The following KIF1A variants were observed in gnomAD, a reference collection of about 807,000 sequenced individuals.
The protein encoded by KIF1A is kinesin family member 1A.
Under a neutral mutation model 227.3 loss-of-function variants are expected in KIF1A, and 46 were observed. The observed-to-expected ratio is 0.20, with a 90% CI of 0.16 to 0.26. The LOEUF is 0.26. Ranked by LOEUF, KIF1A falls within the 10% of genes least tolerant of loss-of-function variation. KIF1A has a pLI of 1.00. For synonymous variants in KIF1A, 1,022 were observed against 1,012.8 expected (o/e 1.01, Z -0.17); for missense variants, 1,683 against 2,485.9 (o/e 0.68, Z 6.87).
chr2:240,774,414 A>T (rs1251075261), intron 11 of KIF1A, among the ~76,000 whole-genome samples, 153 bp from the exon 12 acceptor site: 3 of 30,454 alleles, frequency 9.9e-5, no homozygotes, highest in Non-Finnish European at 1.8e-4. Flanking sequence ...CCCCCACCCC[A>T]TGAACACAGA....
intron 16 of KIF1A, 146 bp from the exon 17 acceptor site, chr2:240,769,354 G>A (rs2051626632): frequency 1.4e-6 from 1 of 702,692 alleles, no homozygotes; most frequent in Non-Finnish European, 2.4e-6. Flanking sequence ...ACTGGGTTAG[G>A]GCATCTGCTG....
intron 42 of KIF1A, among the ~76,000 whole-genome samples, chr2:240,722,908 A>G (rs1204550143): frequency 6.6e-6 from 1 of 152,074 alleles, no homozygotes; most frequent in African/African-American, 2.4e-5. Flanking sequence ...CTCCTCTCAG[A>G]CACATCCATC....
In KIF1A at chr2:240,736,535, C is replaced by G. The variant is rs542816030; in HGVS notation, c.4007+528G>C. Among the ~76,000 whole-genome samples the G allele has an allele frequency of 6.6e-6, 1 of 152,350 alleles. No homozygotes were observed. The highest frequency in any genetic ancestry group is 2.1e-4 in the South Asian group (1 of 4,828). ...ACAGACATCCCAGAGCGCCAAAACC[C>G]CAGCCTAAATGCGGTCGGGCTGGGA... is the stretch of plus-strand genomic sequence containing the variant. On this transcript the variant is annotated intron_variant, in intron 38 of 48. Transcript: ENST00000498729. The surrounding 1 kb of genome is among the most constrained non-coding windows in gnomAD (Gnocchi z 4.7).
At chr2:240,743,580 AG>A (rs1362433834) in intron 33 of KIF1A, among the ~76,000 whole-genome samples, 2 of 152,048 alleles carry the variant, frequency 1.3e-5, no homozygotes, top group Non-Finnish European at 2.9e-5. Context: ...GGGCTTCCCC[AG>A]GGTGTGGCAC....
At chr2:240,785,155 A>G in intron 6 of KIF1A, 55 bp from the exon 7 acceptor site, 1 of 1,434,560 alleles carries the variant, frequency 7.0e-7, no homozygotes, top group Non-Finnish European at 9.7e-7. Context: ...CGGGTGCGAG[A>G]TCGCCGGTGG....
chr2:240,745,512 A>G lies in KIF1A; in HGVS notation c.3380T>C (p.Ile1127Thr), dbSNP rs1559495436. ...YADIFCQFNF[I>T]HRHDEAFSTE... Reference sequence around the variant, plus strand: ...GGAGAAGGCCTCGTCGTGGCGGTGGATGAAGCTGCAAAGCAGAGGAGATGC... The same window carrying G: ...GGAGAAGGCCTCGTCGTGGCGGTGGGTGAAGCTGCAAAGCAGAGGAGATGC... The change falls in exon 32 of 49, where the codon ATC becomes ACC. Residue 1127 changes from isoleucine to threonine, a missense_variant. Physicochemically the swap from Ile to Thr is moderately conservative, Grantham distance 89. Coordinates refer to ENST00000498729, the MANE Select transcript of KIF1A (RefSeq NM_001244008.2). 6.2e-7 allele frequency: 1 copy of G among 1,610,698 alleles called. No individual in the cohort carries two copies. Among genetic ancestry groups the G allele is most frequent in the Non-Finnish European group, 8.5e-7 (1 of 1,177,862 alleles).
At chr2:240,761,147 G>A (rs1459300040) in intron 24 of KIF1A, 82 bp downstream of exon 24, 19 of 1,472,584 alleles carry the variant, frequency 1.3e-5, no homozygotes, top group Non-Finnish European at 1.7e-5. Flanking sequence ...GCCAAGTGCT[G>A]AGTCCCAAGT....
chr2:240,732,908 AAG>A (rs1354519542), intron 38 of KIF1A, among the ~76,000 whole-genome samples: 2 of 46,492 alleles, frequency 4.3e-5, no homozygotes, highest in East Asian at 1.2e-3. Flanking sequence ...AGGGATGGGG[AAG>A]AGAGGGGATG....
At chr2:240,731,457 C>T (rs535462823) in intron 38 of KIF1A, among the ~76,000 whole-genome samples, 115 of 152,218 alleles carry the variant, frequency 7.6e-4, no homozygotes, top group Non-Finnish European at 1.1e-3. Context: ...GCTGGTGCCC[C>T]GACCGCATGC....
intron 38 of KIF1A, among the ~76,000 whole-genome samples, chr2:240,730,721 G>A (rs779198558): frequency 3.9e-5 from 6 of 152,216 alleles, no homozygotes; most frequent in East Asian, 3.9e-4. Flanking sequence ...TCAGGGATAC[G>A]GTTCACAGGA....
rs1053174155 is a variant in KIF1A at position 240,782,166 on chromosome 2, C to G, written c.882+424G>C. 4 of 985,274 alleles carry G rather than the reference C, an allele frequency of 4.1e-6. No individual in the cohort carries two copies. In the African/African-American group the frequency reaches 7.0e-5, roughly 17 times the overall value. The allele number at this position is 985,274 out of a possible 1,614,324, so 61.0% of individuals were successfully genotyped here. On this transcript the variant is annotated intron_variant, in intron 10 of 48. Transcript: ENST00000498729. Reference sequence around the variant, plus strand: ...GCTCCGCGGCACCTCCGACTCCACACGCGCCCGCCTCCCCCTGTGGCCCCG... The same window carrying G: ...GCTCCGCGGCACCTCCGACTCCACAGGCGCCCGCCTCCCCCTGTGGCCCCG...
In KIF1A at chr2:240,717,426, G is replaced by C; in HGVS notation, c.5334-20C>G. ...TTGGACCTGCAGAAGAGTTGGGAGAGGCGGCGTGGTCAGGCCAGGAACACC... is the reference window on the plus strand; with the variant it reads ...TTGGACCTGCAGAAGAGTTGGGAGACGCGGCGTGGTCAGGCCAGGAACACC... On this transcript the variant is annotated intron_variant, in intron 48 of 48. Transcript: ENST00000498729. 6.2e-7 allele frequency: 1 copy of C among 1,609,358 alleles called. No individual in the cohort carries two copies. Among genetic ancestry groups the C allele is most frequent in the Non-Finnish European group, 8.5e-7 (1 of 1,179,268 alleles).
At chr2:240,724,301 CTTTGT>C in intron 40 of KIF1A, 1 of 525,918 alleles carries the variant, frequency 1.9e-6, no homozygotes, top group Non-Finnish European at 3.5e-6. Flanking sequence ...GCAGCCTCCA[CTTTGT>C]CCCAGCCCAA....
At chr2:240,761,507 C>T (rs2050526612) in intron 23 of KIF1A, 130 bp from the exon 24 acceptor site, 2 of 768,558 alleles carry the variant, frequency 2.6e-6, no homozygotes, top group Non-Finnish European at 3.8e-6. Flanking sequence ...GCTCTGTGTA[C>T]ATCACGGCCG....
intron 2 of KIF1A, among the ~76,000 whole-genome samples, chr2:240,795,408 A>G (rs1353510946): frequency 3.3e-5 from 5 of 152,172 alleles, no homozygotes; most frequent in African/African-American, 1.2e-4. Flanking sequence ...CCGTGGGGTA[A>G]AGCTTTGGTT....
chr2:240,720,079 G>A (rs1210534533), intron 45 of KIF1A, 153 bp from the exon 46 acceptor site: 1 of 640,130 alleles, frequency 1.6e-6, no homozygotes, highest in East Asian at 3.4e-5. Flanking sequence ...GAGCTCCCGG[G>A]GCCCGTCCAC....
chr2:240,724,995 C>T, intron 40 of KIF1A: 1 of 336,932 alleles, frequency 3.0e-6, no homozygotes, highest in African/African-American at 2.3e-5. Flanking sequence ...CCCAGGTGGG[C>T]ACCCTGGGCC....
At chr2:240,768,797 G>C (rs2051540845) in intron 17 of KIF1A, among the ~76,000 whole-genome samples, 1 of 152,194 alleles carries the variant, frequency 6.6e-6, no homozygotes, top group African/African-American at 2.4e-5. Context: ...CCAGGCTCCA[G>C]GGCAGGTCCA....
rs187670452 is a variant in KIF1A, at chr2:240,772,080, G to A, written c.1207+490C>T. ...TGGCAGTATCCGCTGTGAAAGCTGA[G>A]CTTCTGGCATTTCCAGAGTTGAGGG... On this transcript the variant is annotated intron_variant, in intron 14 of 48. Transcript: ENST00000498729. Among the ~76,000 whole-genome samples the A allele has an allele frequency of 2.0e-5, 3 of 152,346 alleles. No individual in the cohort carries two copies. The East Asian group carries it at 5.8e-4, about 29-fold the overall frequency.
Sources: gnomAD v4.1 joint callset for allele counts (sites outside exome capture counted in the v4.1 genomes callset) on GRCh38, gnomAD v4.1.1 for gene constraint, Gnocchi (gnomAD v3.1) non-coding constraint, MANE v1.5 for transcripts, NCBI Gene and HGNC (gene_info 2026-07-23, HGNC 2026-07-21) for gene names.